Variants in MYO10 observed in about 807,000 individuals in gnomAD.
MYO10 encodes unconventional myosin-X.
A neutral mutation model predicts 257.3 loss-of-function variants in MYO10; 133 were observed. The ratio of observed to expected loss-of-function variants is 0.52; its 90% CI spans 0.45 to 0.60. The LOEUF (loss-of-function observed/expected upper bound fraction) is 0.60. Among genes scored for constraint, MYO10 ranks in the 20% least tolerant of loss-of-function variants. The pLI is 0.00. For missense variants in MYO10, 2,399 were observed against 2,635.7 expected, an observed-to-expected ratio of 0.91 and a Z score of 1.97; for synonymous variants, 1,104 against 1,028.6, an observed-to-expected ratio of 1.07 and a Z score of -1.40.
At chr5:16,931,246 G>A (rs915825687) in intron 1 of MYO10, among the ~76,000 whole-genome samples, 3 of 152,004 alleles carry the variant, frequency 2.0e-5, no homozygotes, top group Non-Finnish European at 4.4e-5. Context: ...TCTCCAGCCT[G>A]GGCAACAAGA....
intron 19 of MYO10, among the ~76,000 whole-genome samples, chr5:16,715,663 T>C (rs1407500117): frequency 6.6e-6 from 1 of 151,900 alleles, no homozygotes; most frequent in Non-Finnish European, 1.5e-5. Context: ...GCTGCACATA[T>C]CTGTAAAAAA....
At position 16,794,796 on chromosome 5, in the gene MYO10, T is replaced by C. The variant is rs897610735; in HGVS notation, c.317A>G (p.Tyr106Cys). 2 of 1,591,522 alleles carry C rather than the reference T, an allele frequency of 1.3e-6. No individual in the cohort carries two copies. Among genetic ancestry groups the C allele is most frequent in the African/African-American group, 2.7e-5 (2 of 74,150 alleles). ...CTCGTACAGCCCGGCGATGGGCTGG[T>C]AGGGGTTCACGGAGGCCAGGATGGA... ...IGSILASVNP[Y>C]QPIAGLYEPA... is the part of the protein sequence containing the mutation. Residue 106 changes from tyrosine to cysteine, a missense_variant, in exon 4 of 41, where the codon TAC becomes TGC. Tyr to Cys is a radical substitution (Grantham distance 194, BLOSUM62 -2). Coordinates refer to ENST00000513610, the MANE Select transcript of MYO10 (RefSeq NM_012334.3).
At chr5:16,721,162 C>G (rs558582565) in intron 19 of MYO10, among the ~76,000 whole-genome samples, 1 of 152,238 alleles carries the variant, frequency 6.6e-6, no homozygotes, top group African/African-American at 2.4e-5. Flanking sequence ...AACAAAATAT[C>G]ATTCCCAGTC....
chr5:16,793,481 G>A (rs1315852358), intron 4 of MYO10, among the ~76,000 whole-genome samples: 3 of 151,942 alleles, frequency 2.0e-5, no homozygotes, highest in African/African-American at 2.4e-5. Flanking sequence ...GAGCCACCGC[G>A]CCTGGCTGAT....
intron 1 of MYO10, among the ~76,000 whole-genome samples, chr5:16,907,429 A>C (rs29448): frequency 0.72 from 108,966 of 151,764 alleles, 39,296 homozygotes; most frequent in Admixed American, 0.76. Context: ...ATGGAAAAGA[A>C]TAAAAGTCCC....
intron 19 of MYO10, among the ~76,000 whole-genome samples, chr5:16,717,397 G>A (rs1437105952): frequency 6.6e-6 from 1 of 152,192 alleles, no homozygotes; most frequent in Non-Finnish European, 1.5e-5. Flanking sequence ...TCCGTCTTCT[G>A]GAAACACAGA....
At chr5:16,666,995 C>T (rs558846589) in intron 40 of MYO10, among the ~76,000 whole-genome samples, 29 of 152,348 alleles carry the variant, frequency 1.9e-4, no homozygotes, top group Admixed American at 1.8e-3. Flanking sequence ...TTTCCAAATA[C>T]AATGTGCACC....
chr5:16,873,168 A>C (rs1744497121), intron 2 of MYO10, among the ~76,000 whole-genome samples: 2 of 152,214 alleles, frequency 1.3e-5, no homozygotes, highest in South Asian at 4.1e-4. Context: ...AGATATAATG[A>C]GGGTACAGGT....
At chr5:16,707,615 G>A (rs537558756) in intron 21 of MYO10, among the ~76,000 whole-genome samples, 6 of 152,164 alleles carry the variant, frequency 3.9e-5, no homozygotes, top group Non-Finnish European at 8.8e-5. Flanking sequence ...AAGTCCAGAG[G>A]GTCAGAAAAG....
At chr5:16,689,082 A>T (rs1166274712) in intron 28 of MYO10, among the ~76,000 whole-genome samples, 1 of 152,212 alleles carries the variant, frequency 6.6e-6, no homozygotes, top group Non-Finnish European at 1.5e-5. Context: ...CAATGTCTCC[A>T]TTCAACAGAA....
intron 32 of MYO10, among the ~76,000 whole-genome samples, chr5:16,680,377 G>A (rs1226261594): frequency 6.6e-6 from 1 of 152,132 alleles, no homozygotes; most frequent in Non-Finnish European, 1.5e-5. Context: ...ATGATAACTG[G>A]CTCTGGAAGG....
chr5:16,725,240 C>T (rs114781610), intron 19 of MYO10, among the ~76,000 whole-genome samples: 2,310 of 152,008 alleles, frequency 0.015, 66 homozygotes, highest in African/African-American at 0.052. Context: ...ACATGCATCA[C>T]CATGCCTAGC....
intron 5 of MYO10, among the ~76,000 whole-genome samples, chr5:16,783,133 T>C (rs1281712860): frequency 6.6e-6 from 1 of 152,212 alleles, no homozygotes; most frequent in Non-Finnish European, 1.5e-5. Context: ...GGCCTGACGA[T>C]GAAGGGGCAG....
At chr5:16,715,132 T>C (rs1476119308) in intron 19 of MYO10, among the ~76,000 whole-genome samples, 1 of 59,120 alleles carries the variant, frequency 1.7e-5, no homozygotes, top group African/African-American at 6.8e-5. Context: ...AAGAACAACA[T>C]AGGGCAATTG....
At chr5:16,810,827 T>C (rs1020636198) in intron 3 of MYO10, among the ~76,000 whole-genome samples, 23 of 151,604 alleles carry the variant, frequency 1.5e-4, no homozygotes, top group African/African-American at 4.8e-4. Flanking sequence ...TCCCAACACT[T>C]TGAGAGGCCA....
Position 16,671,438 on chromosome 5 carries a change from G to C in MYO10, c.5414C>G (p.Ala1805Gly), listed in dbSNP as rs1337207926. The stretch of plus-strand genomic sequence containing the variant: ...TCCTTTTACCTGTTCAAACATAAAT[G>C]CAAACTCCACACTGTCTTTTGGCAC... ...DNVPKDSVEF[A>G]FMFEQAHEAV... The change falls in exon 38 of 41, where the codon GCA becomes GGA. Residue 1805 changes from alanine to glycine, a missense_variant. This residue lies in a region of MYO10 where 1,820 missense variants were observed against 1,939.4 expected (regional missense o/e 0.94). Coordinates refer to ENST00000513610, the MANE Select transcript of MYO10 (RefSeq NM_012334.3). 3.1e-6 allele frequency: 5 copies of C among 1,613,806 alleles called. No homozygotes were observed. The South Asian group carries it at 5.5e-5, about 18-fold the overall frequency.
intron 1 of MYO10, chr5:16,902,754 G>A (rs1341075358): frequency 4.5e-6 from 3 of 671,364 alleles, no homozygotes; most frequent in Non-Finnish European, 7.9e-6. Flanking sequence ...CACCCGCCTT[G>A]GCGTCCCAAA....
chr5:16,740,455 C>G (rs1579935822), intron 19 of MYO10, among the ~76,000 whole-genome samples: 1 of 152,008 alleles, frequency 6.6e-6, no homozygotes, highest in East Asian at 1.9e-4. Flanking sequence ...AGCAGGAGTG[C>G]CATTCAGATT....
intron 21 of MYO10, among the ~76,000 whole-genome samples, chr5:16,705,908 G>A (rs1193047125): frequency 1.3e-5 from 2 of 152,082 alleles, no homozygotes; most frequent in African/African-American, 2.4e-5. Context: ...TTGGCCGGGC[G>A]CAGTGGCTCA....
Sources: gnomAD v4.1 joint callset for allele counts (sites outside exome capture counted in the v4.1 genomes callset) on GRCh38, gnomAD v4.1.1 for gene constraint, gnomAD v4.1.1 regional missense constraint, MANE v1.5 for transcripts, NCBI Gene and HGNC (gene_info 2026-07-23, HGNC 2026-07-21) for gene names.